The following TM2D3 variants were observed in gnomAD, a reference collection of about 807,000 sequenced individuals.
TM2D3 encodes the protein TM2 domain-containing protein 3.
TM2D3 carries 33 observed loss-of-function variants against 27.3 expected under a neutral mutation model. The ratio of observed to expected loss-of-function variants is 1.21; its 90% CI spans 0.92 to 1.61. The LOEUF is 1.61. Among genes scored for constraint, TM2D3 ranks in the 40% most tolerant of loss-of-function variants. TM2D3 has a pLI of 0.00. For missense variants in TM2D3, 364 were observed against 320.8 expected, an observed-to-expected ratio of 1.13 and a Z score of -1.03; for synonymous variants, 138 against 122.2, an observed-to-expected ratio of 1.13 and a Z score of -0.85.
At chr15:101,649,436 T>A (rs1896910057) in intron 3 of TM2D3, among the ~76,000 whole-genome samples, 1 of 152,182 alleles carries the variant, frequency 6.6e-6, no homozygotes, top group South Asian at 2.1e-4. Context: ...ACAGCAACTA[T>A]CTGGTGTTTT....
chr15:101,643,465 G>A (rs549611570), intron 5 of TM2D3, among the ~76,000 whole-genome samples: 1 of 152,054 alleles, frequency 6.6e-6, no homozygotes, highest in East Asian at 1.9e-4. Flanking sequence ...AGCCAGGCGT[G>A]GTGGCGGGCG....
intron 5 of TM2D3, among the ~76,000 whole-genome samples, chr15:101,643,081 C>T (rs1427180972): frequency 6.6e-6 from 1 of 151,930 alleles, no homozygotes; most frequent in South Asian, 2.1e-4. Flanking sequence ...AGGAATAAAT[C>T]CTTAAAAGAT....
downstream of TM2D3, among the ~76,000 whole-genome samples, chr15:101,638,486 G>C (rs1412857002): frequency 6.6e-6 from 1 of 151,786 alleles, no homozygotes; most frequent in Non-Finnish European, 1.5e-5. Context: ...TAGTAGAGAC[G>C]GGGGTTTCAC....
chr15:101,651,956 G>C (rs1056515380), intron 1 of TM2D3, 183 bp from the exon 2 acceptor site: 12 of 634,522 alleles, frequency 1.9e-5, no homozygotes, highest in African/African-American at 1.9e-4. Flanking sequence ...CATCAGTTCA[G>C]GTCAGCCGGC....
intron 4 of TM2D3, 98 bp downstream of exon 4, chr15:101,646,627 T>C (rs757384235): frequency 7.5e-7 from 1 of 1,333,762 alleles, no homozygotes. Flanking sequence ...TAAATGTTTC[T>C]AATTAAGTAA....
intron 3 of TM2D3, among the ~76,000 whole-genome samples, chr15:101,649,520 C>T (rs1896912524): frequency 6.6e-6 from 1 of 152,158 alleles, no homozygotes; most frequent in Admixed American, 6.6e-5. Flanking sequence ...ATAAGACAGG[C>T]GTTCCACTTA....
At chr15:101,639,064 G>C (rs1896611225), downstream of TM2D3, among the ~76,000 whole-genome samples, 4 of 152,128 alleles carry the variant, frequency 2.6e-5, no homozygotes, top group South Asian at 8.3e-4. Flanking sequence ...AGCGTATTTT[G>C]CATAAAAGTG....
chr15:101,640,372 C>G (rs1423034657), downstream of TM2D3, among the ~76,000 whole-genome samples: 1 of 152,072 alleles, frequency 6.6e-6, no homozygotes, highest in African/African-American at 2.4e-5. Flanking sequence ...GAAGAAGGCC[C>G]TCACCAGATA....
intron 1 of TM2D3, chr15:101,652,047 G>A (rs769651511): frequency 3.6e-5 from 20 of 559,098 alleles, no homozygotes; most frequent in Non-Finnish European, 6.1e-5. Context: ...CCGTGCCAGG[G>A]CTCCGCAGCC....
chr15:101,644,900 T>C (rs988755459), intron 5 of TM2D3, among the ~76,000 whole-genome samples, 187 bp downstream of exon 5: 2 of 152,186 alleles, frequency 1.3e-5, no homozygotes, highest in African/African-American at 2.4e-5. Context: ...AAAGCTAACA[T>C]GCCTGCCAGT....
At chr15:101,641,034 A>G (rs930502792), downstream of TM2D3, among the ~76,000 whole-genome samples, 23 of 152,240 alleles carry the variant, frequency 1.5e-4, no homozygotes, top group African/African-American at 4.3e-4. Flanking sequence ...GTTGCTCAAC[A>G]GGGAAGTATT....
chr15:101,639,271 G>T (rs1896616641), downstream of TM2D3, among the ~76,000 whole-genome samples: 2 of 152,120 alleles, frequency 1.3e-5, no homozygotes, highest in African/African-American at 4.8e-5. Context: ...TTTAAAAAAT[G>T]TGTCTACCCC....
chr15:101,638,802 T>C (rs570808552), downstream of TM2D3, among the ~76,000 whole-genome samples: 97 of 152,288 alleles, frequency 6.4e-4, no homozygotes, highest in African/African-American at 2.2e-3. Context: ...TTTCCTACAG[T>C]GTGTTTATCA....
At chr15:101,640,434 A>G (rs766922358), downstream of TM2D3, among the ~76,000 whole-genome samples, 18 of 152,324 alleles carry the variant, frequency 1.2e-4, no homozygotes, top group Middle Eastern at 3.4e-3. Context: ...AGAACTCTTA[A>G]GAAATAAATT....
chr15:101,651,819 C>G, intron 1 of TM2D3, 46 bp from the exon 2 acceptor site: 6 of 1,603,246 alleles, frequency 3.7e-6, no homozygotes, highest in Non-Finnish European at 5.1e-6. Flanking sequence ...TATCCCGGGA[C>G]AAGAAAACCT....
At chr15:101,644,297 C>G (rs1449459801) in intron 5 of TM2D3, among the ~76,000 whole-genome samples, 1 of 152,120 alleles carries the variant, frequency 6.6e-6, no homozygotes, top group African/African-American at 2.4e-5. Context: ...TAGGGGACAC[C>G]TGGCAACATC....
rs113779247 is a variant in TM2D3 at position 101,648,904 on chromosome 15, G to A, written c.327+1100C>T. On this transcript the variant is annotated intron_variant, in intron 3 of 5. Transcript: ENST00000333202. ...CATAAATTCCTACATGTACAACTAC[G>A]AGCTCAACGATTGTGTGCATGTGTA... Among the ~76,000 whole-genome samples the A allele has an allele frequency of 3.0e-3, 450 of 152,064 alleles. 3 individuals carry two copies. The highest frequency in any genetic ancestry group is 0.01 in the African/African-American group (421 of 41,458).
chr15:101,644,945 C>T (rs1215752774), intron 5 of TM2D3, 142 bp downstream of exon 5: 18 of 757,412 alleles, frequency 2.4e-5, no homozygotes, highest in African/African-American at 3.6e-5. Flanking sequence ...ATCATCTAAA[C>T]TCTTCCAGCT....
chr15:101,641,179 A>G (rs879687345), downstream of TM2D3, among the ~76,000 whole-genome samples: 2 of 152,212 alleles, frequency 1.3e-5, no homozygotes, highest in African/African-American at 2.4e-5. Context: ...AACGGATACA[A>G]AAAGTGTGTC....
Sources: gnomAD v4.1 joint callset for allele counts (sites outside exome capture counted in the v4.1 genomes callset) on GRCh38, gnomAD v4.1.1 for gene constraint, MANE v1.5 for transcripts, NCBI Gene and HGNC (gene_info 2026-07-23, HGNC 2026-07-21) for gene names.